RNF182: variants seen among roughly 807,000 people sequenced by gnomAD.
RNF182 encodes E3 ubiquitin-protein ligase RNF182.
Under a neutral mutation model 14.4 loss-of-function variants are expected in RNF182, and 15 were observed. The ratio of observed to expected loss-of-function variants is 1.04; its 90% CI spans 0.70 to 1.60. The LOEUF is 1.60. RNF182 is among the 40% of genes most tolerant of loss of function. The pLI, the probability that RNF182 is intolerant of heterozygous loss-of-function variation, is 0.00. For synonymous variants in RNF182, 128 were observed against 122.9 expected, an observed-to-expected ratio of 1.04 and a Z score of -0.27; for missense variants, 268 against 294.8, an observed-to-expected ratio of 0.91 and a Z score of 0.67.
In RNF182 at chr6:13,961,959, G is replaced by A. The variant is rs115768662; in HGVS notation, c.-366-12251G>A. ...TTCTTTTTAGGATTTTTGAGTTGGA[G>A]ACTTTTATTATAGTGAGAAGGATTT... On this transcript the variant is annotated intron_variant, in intron 1 of 2. Coordinates refer to ENST00000488300, the MANE Select transcript of RNF182 (RefSeq NM_152737.4). 1.7e-3 allele frequency among the ~76,000 whole-genome samples: 263 copies of A among 152,202 alleles called. 1 individual carries two copies. The highest frequency in any genetic ancestry group is 5.9e-3 in the African/African-American group (247 of 41,542).
intron 1 of RNF182, among the ~76,000 whole-genome samples, chr6:13,937,920 T>G (rs1276054771): frequency 6.6e-6 from 1 of 152,144 alleles, no homozygotes; most frequent in South Asian, 2.1e-4. Context: ...TTTTTCATGT[T>G]TTATTAGCCA....
At chr6:13,927,048 T>A (rs1180914275) in intron 1 of RNF182, among the ~76,000 whole-genome samples, 1 of 152,154 alleles carries the variant, frequency 6.6e-6, no homozygotes, top group Non-Finnish European at 1.5e-5. Flanking sequence ...TTCAATATAG[T>A]TTGGCTTCTT....
At chr6:13,952,150 G>C (rs527817628) in intron 1 of RNF182, among the ~76,000 whole-genome samples, 7 of 152,302 alleles carry the variant, frequency 4.6e-5, no homozygotes, top group African/African-American at 1.7e-4. Context: ...ATTGTCTGTT[G>C]TGGGGCTGGG....
intron 1 of RNF182, among the ~76,000 whole-genome samples, chr6:13,970,264 G>A (rs1451560877): frequency 6.6e-6 from 1 of 152,072 alleles, no homozygotes; most frequent in East Asian, 1.9e-4. Flanking sequence ...TTGTATGTTT[G>A]TACCCATTAA....
chr6:13,949,504 G>T, intron 1 of RNF182: 1 of 559,954 alleles, frequency 1.8e-6, no homozygotes, highest in Non-Finnish European at 3.3e-6. Context: ...TACGGAAAAA[G>T]ACACTTGCAA....
intron 1 of RNF182, chr6:13,949,119 G>T: frequency 1.3e-6 from 1 of 766,532 alleles, no homozygotes; most frequent in Non-Finnish European, 2.4e-6. Context: ...CTTTGCCAGT[G>T]CAGTGAGAGC....
At chr6:13,956,412 C>T (rs1249688424) in intron 1 of RNF182, among the ~76,000 whole-genome samples, 4 of 151,928 alleles carry the variant, frequency 2.6e-5, no homozygotes, top group Non-Finnish European at 4.4e-5. Flanking sequence ...GCAACCTCCA[C>T]CTCCCAGATT....
At chr6:13,925,627 A>G (rs1758804951) in intron 1 of RNF182, among the ~76,000 whole-genome samples, 1 of 152,194 alleles carries the variant, frequency 6.6e-6, no homozygotes, top group South Asian at 2.1e-4. Context: ...CCCGACTAGC[A>G]AGACCAGAAT....
At chr6:13,974,841 ACTTT>A (rs1165215670) in intron 2 of RNF182, among the ~76,000 whole-genome samples, 2 of 152,136 alleles carry the variant, frequency 1.3e-5, no homozygotes, top group Admixed American at 6.5e-5. Flanking sequence ...GTGTTTACAT[ACTTT>A]CTTTTCCTTT....
intron 1 of RNF182, among the ~76,000 whole-genome samples, chr6:13,955,001 G>T (rs979586899): frequency 1.3e-5 from 2 of 152,198 alleles, no homozygotes; most frequent in Admixed American, 6.5e-5. Flanking sequence ...TTGTAAGCCT[G>T]ACCTGTGTGT....
intron 1 of RNF182, among the ~76,000 whole-genome samples, chr6:13,960,052 G>A (rs1759828548): frequency 6.6e-6 from 1 of 152,208 alleles, no homozygotes; most frequent in Non-Finnish European, 1.5e-5. Flanking sequence ...GAACTAGGAG[G>A]AAAGCTGGAA....
chr6:13,933,392 T>C lies in RNF182; in HGVS notation c.-367+8369T>C, dbSNP rs113607083. Reference sequence around the variant, plus strand: ...TTAGCTGGGCATGGTGGTACGCACGTGTAGTCCCAGCTGCTCCAAAGGCTG... The same window carrying C: ...TTAGCTGGGCATGGTGGTACGCACGCGTAGTCCCAGCTGCTCCAAAGGCTG... On this transcript the variant is annotated intron_variant, in intron 1 of 2. Transcript: ENST00000488300. Among the ~76,000 whole-genome samples the C allele has an allele frequency of 6.1e-3, 920 of 151,688 alleles. 6 individuals carry two copies. Among genetic ancestry groups the C allele is most frequent in the African/African-American group, 0.021 (866 of 41,350 alleles).
At chr6:13,975,482 C>G (rs753365211) in intron 2 of RNF182, among the ~76,000 whole-genome samples, 1 of 152,080 alleles carries the variant, frequency 6.6e-6, no homozygotes, top group Non-Finnish European at 1.5e-5. Flanking sequence ...TTGAAAAAAT[C>G]CTACCTACAT....
At chr6:13,961,577 G>T (rs1297270014) in intron 1 of RNF182, 3 of 152,104 alleles carry the variant, frequency 2.0e-5, no homozygotes, top group South Asian at 2.1e-4. Context: ...GGAGTACCTG[G>T]TTTTTTTCTC....
At chr6:13,966,595 T>G (rs573647032) in intron 1 of RNF182, among the ~76,000 whole-genome samples, 5 of 152,146 alleles carry the variant, frequency 3.3e-5, no homozygotes, top group Admixed American at 2.6e-4. Context: ...AAACCCCGTC[T>G]CTACTAAAAA....
chr6:13,944,423 G>A (rs144285432), intron 1 of RNF182, among the ~76,000 whole-genome samples: 112 of 152,240 alleles, frequency 7.4e-4, no homozygotes, highest in African/African-American at 2.7e-3. Context: ...TAGTGTGGAG[G>A]GTTGATGAAA....
intron 1 of RNF182, among the ~76,000 whole-genome samples, chr6:13,944,940 C>T (rs188544727): frequency 2.0e-5 from 3 of 151,416 alleles, no homozygotes; most frequent in South Asian, 4.2e-4. Context: ...GTTAAGATTG[C>T]TAAGCTGCTT....
intron 1 of RNF182, among the ~76,000 whole-genome samples, chr6:13,965,251 G>A (rs1275060780): frequency 6.6e-6 from 1 of 152,152 alleles, no homozygotes; most frequent in African/African-American, 2.4e-5. Flanking sequence ...GCTTGATTTG[G>A]TAGCCTAGTT....
At chr6:13,925,661 C>T (rs9464420) in intron 1 of RNF182, among the ~76,000 whole-genome samples, 45,881 of 152,118 alleles carry the variant, frequency 0.3, 7,569 homozygotes, top group East Asian at 0.57. Context: ...GATACTTTGT[C>T]AAGGAGATAC....
Sources: allele counts gnomAD v4.1 joint callset (sites outside exome capture counted in the v4.1 genomes callset), GRCh38; gene constraint gnomAD v4.1.1; transcripts MANE v1.5; gene names NCBI Gene and HGNC (gene_info 2026-07-23, HGNC 2026-07-21).